The following CCDC171 variants were observed in gnomAD, a reference collection of about 807,000 sequenced individuals.
CCDC171 encodes coiled-coil domain containing 171.
Under a neutral mutation model 168.2 loss-of-function variants are expected in CCDC171, and 177 were observed. That is an observed-to-expected ratio of 1.05 (90% CI 0.93 to 1.19). CCDC171 has a LOEUF of 1.19. CCDC171 is among the 50% of genes most tolerant of loss of function. The pLI is 0.00. For missense variants in CCDC171, 1,991 were observed against 1,539.0 expected, an observed-to-expected ratio of 1.29 and a Z score of -4.91; for synonymous variants, 687 against 540.8, an observed-to-expected ratio of 1.27 and a Z score of -3.75.
At chr9:15,944,883 T>A (rs555120124) in intron 25 of CCDC171, among the ~76,000 whole-genome samples, 32 of 151,554 alleles carry the variant, frequency 2.1e-4, no homozygotes, top group South Asian at 8.3e-4. Flanking sequence ...TTTCTTTCTT[T>A]CTTTTTTATC....
chr9:15,584,487 A>T (rs10810401), intron 4 of CCDC171, among the ~76,000 whole-genome samples: 61,986 of 152,074 alleles, frequency 0.41, 14,342 homozygotes, highest in East Asian at 0.75. Context: ...ACTGGACAAA[A>T]GTATATGTTC....
intron 3 of CCDC171, among the ~76,000 whole-genome samples, chr9:15,995,922 C>T (rs1473306398): frequency 1.3e-5 from 2 of 152,150 alleles, no homozygotes; most frequent in Non-Finnish European, 2.9e-5. Flanking sequence ...TCATGTATAG[C>T]TTTGTGCAGT....
chr9:16,095,867 C>CATATATATAT, the CCDC171 span, among the ~76,000 whole-genome samples: 767 of 52,670 alleles, frequency 0.015, 8 homozygotes, highest in African/African-American at 0.042. Flanking sequence ...CACACATAGG[C>CATATATATAT]ACATATATAT....
At chr9:15,889,991 T>C (rs892966767) in intron 24 of CCDC171, among the ~76,000 whole-genome samples, 5 of 152,134 alleles carry the variant, frequency 3.3e-5, no homozygotes, top group Non-Finnish European at 5.9e-5. Context: ...AATAAAAATA[T>C]CACTTAATAG....
chr9:15,703,450 C>G (rs2051949301), intron 11 of CCDC171, among the ~76,000 whole-genome samples: 1 of 152,204 alleles, frequency 6.6e-6, no homozygotes. Flanking sequence ...CACCATTCTT[C>G]TCTCTACCTC....
chr9:15,615,826 T>G (rs2044040143), intron 6 of CCDC171, among the ~76,000 whole-genome samples: 1 of 151,742 alleles, frequency 6.6e-6, no homozygotes, highest in Non-Finnish European at 1.5e-5. Context: ...TCACCCAGGC[T>G]GGAGTGCAGT....
At chr9:15,700,492 G>A (rs1450616293) in intron 11 of CCDC171, among the ~76,000 whole-genome samples, 2 of 152,374 alleles carry the variant, frequency 1.3e-5, no homozygotes, top group East Asian at 3.9e-4. Context: ...GGCTCCCACA[G>A]TGCAGCGGTG....
intron 21 of CCDC171, among the ~76,000 whole-genome samples, chr9:15,805,754 G>C (rs1015138775): frequency 1.3e-5 from 2 of 152,080 alleles, no homozygotes; most frequent in Non-Finnish European, 2.9e-5. Context: ...CTGTGGGCAT[G>C]TGTCAGGTCC....
At chr9:16,028,529 G>T (rs1290880501) in intron 6 of CCDC171, among the ~76,000 whole-genome samples, 1 of 152,188 alleles carries the variant, frequency 6.6e-6, no homozygotes, top group Non-Finnish European at 1.5e-5. Flanking sequence ...ATTATTTGTT[G>T]TTTATCTGAA....
chr9:15,592,339 C>T (rs1389996141), intron 5 of CCDC171, among the ~76,000 whole-genome samples: 3 of 151,342 alleles, frequency 2.0e-5, no homozygotes, highest in African/African-American at 4.9e-5. Context: ...GACCCTGTCT[C>T]CCCCCAAAAA....
At chr9:15,919,062 T>C (rs1824950424) in intron 24 of CCDC171, among the ~76,000 whole-genome samples, 1 of 151,618 alleles carries the variant, frequency 6.6e-6, no homozygotes, top group African/African-American at 2.4e-5. Context: ...AATAAATTTC[T>C]ACTAAAGCAA....
intron 18 of CCDC171, among the ~76,000 whole-genome samples, chr9:15,776,934 A>T (rs1362219746): frequency 6.6e-6 from 1 of 152,240 alleles, no homozygotes; most frequent in Non-Finnish European, 1.5e-5. Flanking sequence ...TGACAGATTA[A>T]GACCTACCTA....
At chr9:15,658,202 T>C (rs1005810741) in intron 8 of CCDC171, among the ~76,000 whole-genome samples, 1 of 152,178 alleles carries the variant, frequency 6.6e-6, no homozygotes, top group African/African-American at 2.4e-5. Context: ...TTGGAGATAA[T>C]GGTGGGAAGG....
chr9:15,811,315 A>G (rs1208350912), intron 21 of CCDC171, among the ~76,000 whole-genome samples: 1 of 152,246 alleles, frequency 6.6e-6, no homozygotes, highest in Non-Finnish European at 1.5e-5. Flanking sequence ...CTATAATTAG[A>G]TACAGCATAC....
intron 11 of CCDC171, among the ~76,000 whole-genome samples, chr9:15,702,043 G>C (rs1181343626): frequency 6.6e-6 from 1 of 152,220 alleles, no homozygotes; most frequent in Admixed American, 6.5e-5. Flanking sequence ...AATGGATGTT[G>C]TGTTACCAGG....
chr9:15,773,176 AATAG>A (rs1477891962), intron 18 of CCDC171, among the ~76,000 whole-genome samples: 2 of 152,146 alleles, frequency 1.3e-5, no homozygotes, highest in African/African-American at 4.8e-5. Flanking sequence ...TCTTCCACAT[AATAG>A]ATGTATTTTG....
chr9:15,995,785 A>C (rs947266344), intron 3 of CCDC171, among the ~76,000 whole-genome samples: 3 of 152,242 alleles, frequency 2.0e-5, no homozygotes, highest in Non-Finnish European at 4.4e-5. Context: ...CGGTCTGTTG[A>C]ATATTCAGTT....
At chr9:15,943,315 C>G (rs186364466) in intron 25 of CCDC171, among the ~76,000 whole-genome samples, 2 of 151,922 alleles carry the variant, frequency 1.3e-5, no homozygotes, top group Non-Finnish European at 2.9e-5. Flanking sequence ...GAAAAAAACA[C>G]TTATTTATGA....
chr9:15,706,220 CCTTCCTTCCTTCCTTCCTTCCTTG>C (rs1300180387), intron 11 of CCDC171, among the ~76,000 whole-genome samples: 2 of 145,218 alleles, frequency 1.4e-5, no homozygotes, highest in South Asian at 2.1e-4. Flanking sequence ...ATGTAGTCTT[CCTTCCTTCCTTCCTTCCTTCCTTG>C]CTTCCTTCCT....
Sources: allele counts gnomAD v4.1 joint callset (sites outside exome capture counted in the v4.1 genomes callset), GRCh38; gene constraint gnomAD v4.1.1; transcripts MANE v1.5; gene names NCBI Gene and HGNC (gene_info 2026-07-23, HGNC 2026-07-21).